HDAC5: variants seen among roughly 807,000 people sequenced by gnomAD.
HDAC5 encodes the protein antigen NY-CO-9.
Under a neutral mutation model 133.3 loss-of-function variants are expected in HDAC5, and 25 were observed. That is an observed-to-expected ratio of 0.19 (90% CI 0.14 to 0.26). The LOEUF (loss-of-function observed/expected upper bound fraction) is 0.26. HDAC5 is among the 10% of genes least tolerant of loss of function. The pLI is 1.00. For missense variants in HDAC5, 1,041 were observed against 1,460.5 expected (o/e 0.71, Z 4.68); for synonymous variants, 589 against 610.8 (o/e 0.96, Z 0.53).
At chr17:44,121,170 G>C (rs1394067285) in intron 1 of HDAC5, among the ~76,000 whole-genome samples, 1 of 151,730 alleles carries the variant, frequency 6.6e-6, no homozygotes, top group African/African-American at 2.4e-5. Flanking sequence ...GGAGGCAGAG[G>C]GCAGAAGACG....
chr17:44,077,136 G>A lies in HDAC5; in HGVS notation c.*1240C>T, dbSNP rs568129309. On this transcript the variant is annotated 3_prime_UTR_variant, in exon 27 of 27. Transcript: ENST00000682912. ...GAGAGAAAGTATATGTGGTACTGGG[G>A]AGGAGGAGGAAGGAAGAGTCAGCCC... 1 of 152,940 alleles carries A rather than the reference G, an allele frequency of 6.5e-6. No individual in the cohort carries two copies. The highest frequency in any genetic ancestry group is 2.1e-4 in the South Asian group (1 of 4,834). The allele number at this position is 152,940 out of a possible 1,614,324, so 9.5% of individuals were successfully genotyped here. A position where few individuals can be genotyped will look rare whatever the true frequency, so the allele number is the denominator to read the frequency against.
At position 44,123,518 on chromosome 17, in the gene HDAC5, G is replaced by C. The variant is rs546366949; in HGVS notation, c.-204C>G. ...GGCGCGCTCACCCGCTGCGGCTCGA[G>C]CTCCGGCTTCGCGGGCGGCGGCGGC... On this transcript the variant is annotated 5_prime_UTR_variant, in exon 1 of 27. Coordinates refer to ENST00000682912, the MANE Select transcript of HDAC5 (RefSeq NM_005474.5). 1.3e-5 allele frequency: 5 copies of C among 392,554 alleles called. No individual in the cohort carries two copies. Among genetic ancestry groups the C allele is most frequent in the African/African-American group, 2.1e-5 (1 of 48,198 alleles). 24.3% of individuals were successfully genotyped at this position (392,554 alleles called of 1,614,324 possible). A position where few individuals can be genotyped will look rare whatever the true frequency, so the allele number is the denominator to read the frequency against.
At chr17:44,087,911 T>C (rs1032049251) in intron 12 of HDAC5, among the ~76,000 whole-genome samples, 2 of 152,088 alleles carry the variant, frequency 1.3e-5, no homozygotes, top group Non-Finnish European at 2.9e-5. Context: ...TGGCACGATC[T>C]CGGCTCACTG....
intron 16 of HDAC5, among the ~76,000 whole-genome samples, chr17:44,084,060 G>A (rs9890834): frequency 0.073 from 11,109 of 151,936 alleles, 709 homozygotes; most frequent in African/African-American, 0.17. Context: ...GGGAGACAGA[G>A]GTCGCAGTGA....
chr17:44,117,602 A>G lies in HDAC5; in HGVS notation c.-87T>C. ...GGTGATGTCAAGAGAGACAGACGAT[A>G]ACAGACAGACGGACGGGACGGGAGC... On this transcript the variant is annotated 5_prime_UTR_variant, in exon 2 of 27. Coordinates refer to ENST00000682912, the MANE Select transcript of HDAC5 (RefSeq NM_005474.5). This position sits in a 1 kb window ranked among gnomAD's most constrained non-coding sequence, Gnocchi z 4.2. 2 of 1,501,578 alleles carry G rather than the reference A, an allele frequency of 1.3e-6. No individual in the cohort carries two copies. Among genetic ancestry groups the G allele is most frequent in the Admixed American group, 1.7e-5 (1 of 59,832 alleles). The allele number at this position is 1,501,578 out of a possible 1,614,324, so 93.0% of individuals were successfully genotyped here. A position where few individuals can be genotyped will look rare whatever the true frequency, so the allele number is the denominator to read the frequency against.
At chr17:44,102,661 TTC>T (rs1289875882) in intron 3 of HDAC5, among the ~76,000 whole-genome samples, 1 of 124,442 alleles carries the variant, frequency 8.0e-6, no homozygotes, top group African/African-American at 2.9e-5. Flanking sequence ...CCCGGCCAGG[TTC>T]TCTCTTTTTT....
intron 13 of HDAC5, 85 bp from the exon 14 acceptor site, chr17:44,086,822 C>T: frequency 9.4e-7 from 1 of 1,064,040 alleles, no homozygotes; most frequent in South Asian, 4.9e-5. Flanking sequence ...TCCAGTGGGG[C>T]CCCAATCCAG....
intron 1 of HDAC5, among the ~76,000 whole-genome samples, chr17:44,123,085 C>A (rs1158718222): frequency 1.3e-5 from 2 of 152,150 alleles, no homozygotes; most frequent in Non-Finnish European, 2.9e-5. Flanking sequence ...CTCAGAGTAC[C>A]AAGAAAGGGG....
chr17:44,086,839 T>C, intron 13 of HDAC5, 102 bp from the exon 14 acceptor site: 1 of 840,330 alleles, frequency 1.2e-6, no homozygotes, highest in African/African-American at 1.8e-5. Flanking sequence ...CCAGCCCTTT[T>C]CTTCCAAGTC....
At position 44,092,538 on chromosome 17, in the gene HDAC5, G is replaced by A. The variant is rs1392799381; in HGVS notation, c.773-11C>T. On this transcript the variant is annotated splice_polypyrimidine_tract_variant and intron_variant, in intron 7 of 26. Coordinates refer to ENST00000682912, the MANE Select transcript of HDAC5 (RefSeq NM_005474.5). Reference sequence around the variant, plus strand: ...AGTTGGGTTCAGAGGCTGGAGAGAAGGTAACCGAGGTTCAGATACGCGCAC... The same window carrying A: ...AGTTGGGTTCAGAGGCTGGAGAGAAAGTAACCGAGGTTCAGATACGCGCAC... 6.2e-7 allele frequency: 1 copy of A among 1,610,260 alleles called. No homozygotes were observed. The highest frequency in any genetic ancestry group is 8.5e-7 in the Non-Finnish European group (1 of 1,177,016).
chr17:44,096,183 GA>G (rs1229885789), intron 3 of HDAC5, among the ~76,000 whole-genome samples: 4 of 152,200 alleles, frequency 2.6e-5, no homozygotes, highest in African/African-American at 9.6e-5. Context: ...CACTGCCTGG[GA>G]AGGCGGAAGT....
rs963804773 is a variant in HDAC5, at chr17:44,111,344, T to TG, written c.23-545dup. On this transcript the variant is annotated intron_variant, in intron 2 of 26. Coordinates refer to ENST00000682912, the MANE Select transcript of HDAC5 (RefSeq NM_005474.5). The stretch of plus-strand genomic sequence containing the variant: ...GCGGGCGGGCTGCCAGGAGGCCCCA[T>TG]GGGGGGGGAGGCGGTTCTACCCCAG... 1.0e-3 allele frequency: 318 copies of TG among 313,616 alleles called. 1 individual carries two copies. Among genetic ancestry groups the TG allele is most frequent in the South Asian group, 3.6e-3 (138 of 38,764 alleles). 19.4% of individuals were successfully genotyped at this position (313,616 alleles called of 1,614,324 possible). A position where few individuals can be genotyped will look rare whatever the true frequency, so the allele number is the denominator to read the frequency against.
intron 20 of HDAC5, 128 bp from the exon 21 acceptor site, chr17:44,081,010 A>T: frequency 7.7e-7 from 1 of 1,291,176 alleles, no homozygotes. Flanking sequence ...GAGGGCTGGG[A>T]GGATCGCTTG....
chr17:44,113,236 G>A (rs1275157537), intron 2 of HDAC5, among the ~76,000 whole-genome samples: 1 of 152,152 alleles, frequency 6.6e-6, no homozygotes, highest in African/African-American at 2.4e-5. Flanking sequence ...AGGGCCCCCA[G>A]AACCTGGAGC....
At chr17:44,086,014 T>C (rs1597945571) in intron 14 of HDAC5, among the ~76,000 whole-genome samples, 1 of 152,132 alleles carries the variant, frequency 6.6e-6, no homozygotes, top group African/African-American at 2.4e-5. Flanking sequence ...TATCAGAAGC[T>C]TCCCTGCTCC....
intron 13 of HDAC5, among the ~76,000 whole-genome samples, chr17:44,087,105 ACACGCACAGG>A (rs1196159599): frequency 1.3e-5 from 2 of 151,586 alleles, no homozygotes; most frequent in African/African-American, 2.4e-5. Flanking sequence ...GTGTGTACAC[ACACGCACAGG>A]CACGCACAGG....
intron 3 of HDAC5, 87 bp from the exon 4 acceptor site, chr17:44,093,921 T>G: frequency 7.1e-7 from 1 of 1,410,594 alleles, no homozygotes; most frequent in South Asian, 1.7e-5. Context: ...CACGCAGGAT[T>G]CTAGGAGACC....
chr17:44,090,368 A>G (rs1386712576), intron 11 of HDAC5, among the ~76,000 whole-genome samples: 1 of 152,208 alleles, frequency 6.6e-6, no homozygotes, highest in African/African-American at 2.4e-5. Flanking sequence ...TGGTGAAATT[A>G]ATTCCACTTG....
rs745356795 is a variant in HDAC5 at position 44,092,818 on chromosome 17, G to C, written c.642-12C>G. 1.2e-4 allele frequency: 99 copies of C among 852,644 alleles called. No homozygotes were observed. The East Asian group carries it at 1.5e-3, about 13-fold the overall frequency. 52.8% of individuals were successfully genotyped at this position (852,644 alleles called of 1,614,324 possible). ...CATGGTGGGCTCCCCTGGGGTGGGG[G>C]GGGGGTGGGGATGGAAGCAGATCTA... On this transcript the variant is annotated splice_polypyrimidine_tract_variant and intron_variant, in intron 6 of 26. Coordinates refer to ENST00000682912, the MANE Select transcript of HDAC5 (RefSeq NM_005474.5).
Sources: gnomAD v4.1 joint callset for allele counts (sites outside exome capture counted in the v4.1 genomes callset) on GRCh38, gnomAD v4.1.1 for gene constraint, Gnocchi (gnomAD v3.1) non-coding constraint, MANE v1.5 for transcripts, NCBI Gene and HGNC (gene_info 2026-07-23, HGNC 2026-07-21) for gene names.